The following CREM variants were observed in gnomAD, a reference collection of about 807,000 sequenced individuals.
The protein encoded by CREM is cAMP-responsive element modulator.
CREM carries 13 observed loss-of-function variants against 37.3 expected under a neutral mutation model. That is an observed-to-expected ratio of 0.35 (90% CI 0.23 to 0.55). The LOEUF (loss-of-function observed/expected upper bound fraction) is 0.55. CREM is among the 20% of genes least tolerant of loss of function. The pLI, the probability that CREM is intolerant of heterozygous loss-of-function variation, is 0.88. For missense variants in CREM, 296 were observed against 362.3 expected, an observed-to-expected ratio of 0.82 and a Z score of 1.49; for synonymous variants, 124 against 120.2, an observed-to-expected ratio of 1.03 and a Z score of -0.21.
At chr10:35,199,551 C>T (rs34840934) in intron 6 of CREM, among the ~76,000 whole-genome samples, 4,473 of 152,218 alleles carry the variant, frequency 0.029, 100 homozygotes, top group Middle Eastern at 0.085. Context: ...GACACAGAAA[C>T]AGGACATACA....
Position 35,126,907 on chromosome 10 carries a change from G to A in CREM, c.-341G>A, listed in dbSNP as rs2087869951. On this transcript the variant is annotated 5_prime_UTR_variant, in exon 1 of 8. Coordinates refer to ENST00000685392, the MANE Select transcript of CREM (RefSeq NM_183011.2). ...CGGCAGGGGGCGGAGTTCGAGCCTG[G>A]ATTTTTTTCCTCGGGGCCTCCCCCG... is the stretch of plus-strand genomic sequence containing the variant. The A allele has an allele frequency of 6.6e-6, 1 of 152,244 alleles. No individual in the cohort carries two copies. Among genetic ancestry groups the A allele is most frequent in the Non-Finnish European group, 1.5e-5 (1 of 68,074 alleles). 9.4% of individuals were successfully genotyped at this position (152,244 alleles called of 1,614,324 possible). A position where few individuals can be genotyped will look rare whatever the true frequency, so the allele number is the denominator to read the frequency against.
chr10:35,138,862 C>A (rs2091019227), intron 2 of CREM, among the ~76,000 whole-genome samples: 1 of 151,306 alleles, frequency 6.6e-6, no homozygotes, highest in South Asian at 2.1e-4. Flanking sequence ...GGGAAGAAGA[C>A]CAGCCTGGGT....
intron 3 of CREM, among the ~76,000 whole-genome samples, chr10:35,164,464 G>T (rs1589729222): frequency 6.6e-6 from 1 of 152,204 alleles, no homozygotes; most frequent in African/African-American, 2.4e-5. Context: ...CAAAGTTCCG[G>T]TATGTCAGGA....
At chr10:35,149,542 C>G (rs989457452) in intron 3 of CREM, among the ~76,000 whole-genome samples, 5 of 152,004 alleles carry the variant, frequency 3.3e-5, no homozygotes, top group Admixed American at 1.3e-4. Context: ...GTCAGTGAGT[C>G]GGAACTGAAG....
chr10:35,197,618 A>T lies in CREM; in HGVS notation c.598+9230A>T, dbSNP rs185914753. Among the ~76,000 whole-genome samples the T allele has an allele frequency of 9.4e-3, 1,420 of 151,808 alleles. 23 individuals are homozygous for T. The highest frequency in any genetic ancestry group is 0.05 in the East Asian group (257 of 5,140). ...CAGGTGCCCACCACCACGCCCGGCT[A>T]ATTTTGTTTTTTTGTATTTTAGTAG... is the stretch of plus-strand genomic sequence containing the variant. On this transcript the variant is annotated intron_variant, in intron 6 of 7. Transcript: ENST00000685392.
At chr10:35,168,440 G>A (rs979481340) in intron 3 of CREM, among the ~76,000 whole-genome samples, 1 of 152,112 alleles carries the variant, frequency 6.6e-6, no homozygotes, top group Non-Finnish European at 1.5e-5. Context: ...TTTTTGATGG[G>A]GTGGTTTGGT....
intron 6 of CREM, among the ~76,000 whole-genome samples, chr10:35,197,126 T>C (rs1172124499): frequency 1.3e-5 from 2 of 152,044 alleles, no homozygotes; most frequent in Admixed American, 6.5e-5. Context: ...CTGTATACTT[T>C]TAACCACTAC....
chr10:35,178,390 C>G (rs2094193256), intron 3 of CREM, among the ~76,000 whole-genome samples: 1 of 152,176 alleles, frequency 6.6e-6, no homozygotes, highest in Non-Finnish European at 1.5e-5. Flanking sequence ...TACTGACTTG[C>G]TTATCTACTT....
chr10:35,195,412 T>C (rs1412650717), intron 6 of CREM, among the ~76,000 whole-genome samples: 4 of 152,092 alleles, frequency 2.6e-5, no homozygotes, highest in African/African-American at 9.7e-5. Flanking sequence ...TTGCTCAATA[T>C]TCTATTGCTT....
intron 6 of CREM, among the ~76,000 whole-genome samples, chr10:35,193,828 G>A (rs970404144): frequency 3.3e-5 from 5 of 152,130 alleles, no homozygotes; most frequent in East Asian, 3.9e-4. Flanking sequence ...CTTTGGGTGC[G>A]GTGGCTCACA....
chr10:35,163,230 TAAAAA>T (rs1227519330), intron 3 of CREM, among the ~76,000 whole-genome samples: 5 of 150,290 alleles, frequency 3.3e-5, no homozygotes, highest in African/African-American at 4.9e-5. Context: ...AAAACAAAAA[TAAAAA>T]AAAATAGAGA....
rs920310792 is a variant in CREM at position 35,153,020 on chromosome 10, G to A, written c.168+4529G>A. Among the ~76,000 whole-genome samples the A allele has an allele frequency of 2.2e-4, 34 of 152,136 alleles. 1 individual carries two copies. Among genetic ancestry groups the A allele is most frequent in the Admixed American group, 2.2e-3 (34 of 15,280 alleles). On this transcript the variant is annotated intron_variant, in intron 3 of 7. Transcript: ENST00000685392. ...TTTGGGAGGCTGAGGCAAGAGGATT[G>A]CCTGAGCCCAGGAGTTCAAGACCAG...
chr10:35,207,328 AG>A (rs1181138111), intron 7 of CREM, among the ~76,000 whole-genome samples: 1 of 152,114 alleles, frequency 6.6e-6, no homozygotes, highest in Non-Finnish European at 1.5e-5. Context: ...TGGGAGGCGG[AG>A]GTTGCAGTGA....
rs757673181 is a variant in CREM at position 35,179,368 on chromosome 10, CCATTTTAAAATGCAT to C, written c.409+97_409+111del. ...ACTCAGGTTTTGGCATTAAATTGTT[CCATTTTAAAATGCAT>C]CATTAATACCTAAACTGTATCATAG... On this transcript the variant is annotated intron_variant, in intron 5 of 7. Transcript: ENST00000685392. 3.4e-5 allele frequency: 50 copies of C among 1,452,392 alleles called. No individual in the cohort carries two copies. The East Asian group carries it at 1.1e-3, about 33-fold the overall frequency. 90.0% of individuals were successfully genotyped at this position (1,452,392 alleles called of 1,614,324 possible).
At chr10:35,185,365 A>C (rs752366837) in intron 5 of CREM, among the ~76,000 whole-genome samples, 40 of 151,898 alleles carry the variant, frequency 2.6e-4, no homozygotes, top group Non-Finnish European at 5.1e-4. Context: ...CGGCCTCCCA[A>C]AGTGCTGGGA....
intron 6 of CREM, among the ~76,000 whole-genome samples, chr10:35,193,121 T>G (rs534758438): frequency 1.3e-5 from 2 of 152,314 alleles, no homozygotes; most frequent in Admixed American, 1.3e-4. Flanking sequence ...TAGGCACATA[T>G]CATGTTGTGT....
At chr10:35,205,808 A>AT (rs1241599388) in intron 6 of CREM, among the ~76,000 whole-genome samples, 2 of 152,122 alleles carry the variant, frequency 1.3e-5, no homozygotes, top group Non-Finnish European at 2.9e-5. Context: ...AAAATACAAA[A>AT]TTAGCCAGGT....
chr10:35,204,498 G>T (rs1231608514), intron 6 of CREM, among the ~76,000 whole-genome samples: 1 of 151,578 alleles, frequency 6.6e-6, no homozygotes, highest in Non-Finnish European at 1.5e-5. Context: ...TACTCGGGAG[G>T]CTGAGGCAAG....
At chr10:35,194,901 C>CATT (rs113909710) in intron 6 of CREM, among the ~76,000 whole-genome samples, 12,995 of 149,616 alleles carry the variant, frequency 0.087, 801 homozygotes, top group African/African-American at 0.18. Flanking sequence ...CTAAAAGAGA[C>CATT]ATTATTATTA....
Sources: gnomAD v4.1 joint callset for allele counts (sites outside exome capture counted in the v4.1 genomes callset) on GRCh38, gnomAD v4.1.1 for gene constraint, MANE v1.5 for transcripts, NCBI Gene and HGNC (gene_info 2026-07-23, HGNC 2026-07-21) for gene names.